MSANTD2: variants seen among roughly 807,000 people sequenced by gnomAD.
MSANTD2 encodes myb/SANT-like DNA-binding domain-containing protein 2.
In MSANTD2, 19 loss-of-function variants were observed where a neutral mutation model predicts 52.6. That is an observed-to-expected ratio of 0.36 (90% CI 0.25 to 0.53). MSANTD2 has a LOEUF of 0.53. Ranked by LOEUF, MSANTD2 falls within the 20% of genes least tolerant of loss-of-function variation. The pLI is 0.91. For missense variants in MSANTD2, 558 were observed against 716.3 expected, an observed-to-expected ratio of 0.78 and a Z score of 2.52; for synonymous variants, 291 against 289.7, an observed-to-expected ratio of 1.00 and a Z score of -0.04.
chr11:124,780,569 T>C (rs1010596840), intron 1 of MSANTD2, among the ~76,000 whole-genome samples: 1 of 152,182 alleles, frequency 6.6e-6, no homozygotes, highest in Non-Finnish European at 1.5e-5. Context: ...AATGCACACA[T>C]ACACAACCTG....
At position 124,800,061 on chromosome 11, in the gene MSANTD2, G is replaced by T; in HGVS notation, c.320C>A (p.Ala107Asp). The T allele has an allele frequency of 6.5e-7, 1 of 1,548,554 alleles. No homozygotes were observed. The highest frequency in any genetic ancestry group is 1.8e-5 in the Admixed American group (1 of 54,366). Residue 107 changes from alanine to aspartate, a missense_variant, in exon 1 of 4, where the codon GCC (alanine) becomes GAC (aspartate). By Grantham distance (126) the Ala-to-Asp change is moderately radical. Coordinates refer to ENST00000374979, the MANE Select transcript of MSANTD2 (RefSeq NM_001308027.2). The surrounding 1 kb of genome is among the most constrained non-coding windows in gnomAD (Gnocchi z 4.3). ...CACTGCGATGAGCGCGTTCGTCTCG[G>T]CTGGCGTCCACGACATGCCCCGGCA... Reference protein sequence around the residue: ...AACRGMSWTPAETNALIAVWG... With the variant: ...AACRGMSWTPDETNALIAVWG...
In MSANTD2 at chr11:124,784,500, C is replaced by G. The variant is rs964476204; in HGVS notation, c.511-9526G>C. ...AAATTAAACCCCCCCCCCGCCACCT[C>G]AAAAATCCGCACACAGCTTTACCAT... On this transcript the variant is annotated intron_variant, in intron 1 of 3. Transcript: ENST00000374979. 16 of 983,822 alleles carry G rather than the reference C, an allele frequency of 1.6e-5. No individual in the cohort carries two copies. The African/African-American group carries it at 2.6e-4, about 16-fold the overall frequency. The allele number at this position is 983,822 out of a possible 1,614,324, so 60.9% of individuals were successfully genotyped here.
intron 3 of MSANTD2, among the ~76,000 whole-genome samples, chr11:124,771,652 C>T (rs1339309643): frequency 6.6e-6 from 1 of 152,184 alleles, no homozygotes; most frequent in African/African-American, 2.4e-5. Context: ...CCTGTAGTCC[C>T]ACCTACTCGG....
chr11:124,783,588 C>G (rs142975685), intron 1 of MSANTD2: 13 of 405,630 alleles, frequency 3.2e-5, no homozygotes, highest in African/African-American at 2.6e-4. Flanking sequence ...CCACTGCACT[C>G]CAGCCTGAGT....
In MSANTD2 at chr11:124,800,387, AGCGGCCGCC is replaced by A; in HGVS notation, c.-16_-8del. The A allele has an allele frequency of 3.3e-6, 5 of 1,503,180 alleles. No individual in the cohort carries two copies. Among genetic ancestry groups the A allele is most frequent in the Non-Finnish European group, 4.4e-6 (5 of 1,125,528 alleles). The allele number at this position is 1,503,180 out of a possible 1,614,324, so 93.1% of individuals were successfully genotyped here. On this transcript the variant is annotated 5_prime_UTR_variant, in exon 1 of 4. Coordinates refer to ENST00000374979, the MANE Select transcript of MSANTD2 (RefSeq NM_001308027.2). This position sits in a 1 kb window ranked among gnomAD's most constrained non-coding sequence, Gnocchi z 4.3. Reference sequence around the variant, plus strand: ...AGCCACAGGGCGCAGCCATCTTCCAAGCGGCCGCCGCTGCACCGCCCGGAAGTGACGCGC... The same window carrying A: ...AGCCACAGGGCGCAGCCATCTTCCAAGCTGCACCGCCCGGAAGTGACGCGC...
At chr11:124,794,824 T>C (rs574961180) in intron 1 of MSANTD2, among the ~76,000 whole-genome samples, 260 of 152,280 alleles carry the variant, frequency 1.7e-3, no homozygotes, top group African/African-American at 5.5e-3. Flanking sequence ...CTAAGCAATG[T>C]CCCCAGAAAA....
intron 1 of MSANTD2, among the ~76,000 whole-genome samples, chr11:124,787,166 G>A (rs1050075133): frequency 4.5e-4 from 68 of 152,182 alleles, no homozygotes; most frequent in African/African-American, 1.5e-3. Flanking sequence ...CACACCATAT[G>A]GAGACCAAGG....
At chr11:124,782,106 G>A (rs931129517) in intron 1 of MSANTD2, among the ~76,000 whole-genome samples, 1 of 152,154 alleles carries the variant, frequency 6.6e-6, no homozygotes. Context: ...TCCACTAAAG[G>A]TGGGTGGAAT....
intron 1 of MSANTD2, among the ~76,000 whole-genome samples, chr11:124,799,546 GGGCAAGAGGCGCCAGC>G (rs1005095324): frequency 7.2e-5 from 11 of 152,214 alleles, no homozygotes; most frequent in Non-Finnish European, 1.0e-4. Context: ...CCGGCGGTGG[GGGCAAGAGGCGCCAGC>G]GGCACGGGGA....
chr11:124,788,081 C>CAAA (rs113281012), intron 1 of MSANTD2, among the ~76,000 whole-genome samples: 1,778 of 107,510 alleles, frequency 0.017, 19 homozygotes, highest in African/African-American at 0.019. Flanking sequence ...GACCCTGTCT[C>CAAA]AAAAAAAAAA....
At chr11:124,791,610 A>T in intron 1 of MSANTD2, 1 of 1,478,082 alleles carries the variant, frequency 6.8e-7, no homozygotes, top group Non-Finnish European at 9.4e-7. Context: ...GCCCAATATC[A>T]GTGGGATCGG....
In MSANTD2 at chr11:124,774,836, T is replaced by C; in HGVS notation, c.649A>G (p.Ser217Gly). 6 of 1,614,202 alleles carry C rather than the reference T, an allele frequency of 3.7e-6. No individual in the cohort carries two copies. The highest frequency in any genetic ancestry group is 5.1e-6 in the Non-Finnish European group (6 of 1,180,034). Residue 217 changes from serine (S) to glycine (G), a missense_variant, in exon 2 of 4, where the codon AGT becomes GGT. Coordinates refer to ENST00000374979, the MANE Select transcript of MSANTD2 (RefSeq NM_001308027.2). The surrounding 1 kb of genome is among the most constrained non-coding windows in gnomAD (Gnocchi z 5.1). ...TCCAGCTCCTGGTACAAGCCACTAC[T>C]GTTAATAAGTACAGGCTGGCAGGGC... The part of the protein sequence containing the change: ...AQPCQPVLIN[S>G]SGLYQELESD...
At chr11:124,784,607 G>C in intron 1 of MSANTD2, 2 of 985,092 alleles carry the variant, frequency 2.0e-6, no homozygotes, top group South Asian at 4.7e-5. Flanking sequence ...TGCAGAGCAG[G>C]CTTCCCCTGA....
chr11:124,774,622 G>C lies in MSANTD2; in HGVS notation c.766+97C>G. Reference sequence around the variant, plus strand: ...CTTATGCTGACCACTATAGGGAACAGTACCAAAGATATTTACAGGTAATAA... The same window carrying C: ...CTTATGCTGACCACTATAGGGAACACTACCAAAGATATTTACAGGTAATAA... On this transcript the variant is annotated intron_variant, in intron 2 of 3. Transcript: ENST00000374979. This position sits in a 1 kb window ranked among gnomAD's most constrained non-coding sequence, Gnocchi z 5.1. 1 of 1,268,962 alleles carries C rather than the reference G, an allele frequency of 7.9e-7. No homozygotes were observed. Among genetic ancestry groups the C allele is most frequent in the Non-Finnish European group, 1.1e-6 (1 of 896,390 alleles). 78.6% of individuals were successfully genotyped at this position (1,268,962 alleles called of 1,614,324 possible). A position where few individuals can be genotyped will look rare whatever the true frequency, so the allele number is the denominator to read the frequency against.
chr11:124,782,960 T>C (rs1591461584), intron 1 of MSANTD2, among the ~76,000 whole-genome samples: 1 of 152,214 alleles, frequency 6.6e-6, no homozygotes, highest in African/African-American at 2.4e-5. Flanking sequence ...CTTGTTGTTA[T>C]ACCTTTCTTT....
chr11:124,769,703 T>C (rs1410299233), intron 3 of MSANTD2, among the ~76,000 whole-genome samples: 1 of 152,132 alleles, frequency 6.6e-6, no homozygotes, highest in Admixed American at 6.5e-5. Context: ...GACTAGGGGA[T>C]TAGCCAGGTT....
In MSANTD2 at chr11:124,767,821, A is replaced by C. The variant is rs746940709; in HGVS notation, c.1035T>G (p.Leu345=). Reference sequence around the variant, plus strand: ...GCTTCTCAGAGTTGAAGTACTCCCGAAGTCGCTTGCCAAGGGGCACCTGGG... The same window carrying C: ...GCTTCTCAGAGTTGAAGTACTCCCGCAGTCGCTTGCCAAGGGGCACCTGGG... ...ISSQVPLGKR[L]REYFNSEKPE... The change falls in exon 4 of 4, where the codon CTT becomes CTG. Residue 345 remains leucine (L), a synonymous_variant. Transcript: ENST00000374979. The surrounding 1 kb of genome is among the most constrained non-coding windows in gnomAD (Gnocchi z 6.5). 1 of 1,614,222 alleles carries C rather than the reference A, an allele frequency of 6.2e-7. No homozygotes were observed. Among genetic ancestry groups the C allele is most frequent in the Non-Finnish European group, 8.5e-7 (1 of 1,180,028 alleles).
At chr11:124,781,042 G>C (rs1944945417) in intron 1 of MSANTD2, among the ~76,000 whole-genome samples, 1 of 152,122 alleles carries the variant, frequency 6.6e-6, no homozygotes, top group Non-Finnish European at 1.5e-5. Flanking sequence ...AATCAGCCAG[G>C]CGTGGTGGTG....
intron 1 of MSANTD2, chr11:124,792,460 T>C (rs1945363396): frequency 6.6e-6 from 1 of 152,236 alleles, no homozygotes; most frequent in East Asian, 1.9e-4. Flanking sequence ...GGTAAGTATA[T>C]CTCATTATAT....
Sources: allele counts gnomAD v4.1 joint callset (sites outside exome capture counted in the v4.1 genomes callset), GRCh38; gene constraint gnomAD v4.1.1; non-coding constraint Gnocchi (gnomAD v3.1); transcripts MANE v1.5; gene names NCBI Gene and HGNC (gene_info 2026-07-23, HGNC 2026-07-21).